The following STAB2 variants were observed in gnomAD, a reference collection of about 807,000 sequenced individuals.
STAB2 encodes the protein stabilin-2.
STAB2 carries 288 observed loss-of-function variants against 338.1 expected under a neutral mutation model. The observed-to-expected ratio is 0.85, with a 90% confidence interval of 0.77 to 0.94. The LOEUF (loss-of-function observed/expected upper bound fraction) is 0.94, where lower values mean the gene tolerates loss of function less well. Ranked by LOEUF, STAB2 falls within the 40% of genes least tolerant of loss-of-function variation. The pLI, the probability that STAB2 is intolerant of heterozygous loss-of-function variation, is 0.00. For synonymous variants in STAB2, 1,202 were observed against 1,193.3 expected (o/e 1.01, Z -0.15); for missense variants, 3,141 against 3,210.1 (o/e 0.98, Z 0.52).
At chr12:103,660,437 C>G in intron 16 of STAB2, 53 bp downstream of exon 16, 1 of 1,591,296 alleles carries the variant, frequency 6.3e-7, no homozygotes, top group South Asian at 1.1e-5. Flanking sequence ...AGATAGCTAA[C>G]TTAGTCTTGA....
intron 61 of STAB2, among the ~76,000 whole-genome samples, chr12:103,753,846 A>G (rs894195211): frequency 1.3e-5 from 2 of 152,186 alleles, no homozygotes; most frequent in Admixed American, 1.3e-4. Context: ...CGAACCCACA[A>G]AACAGTGGAG....
Position 103,638,009 on chromosome 12 carries a change from T to C in STAB2, c.710-7T>C. On this transcript the variant is annotated splice_polypyrimidine_tract_variant and splice_region_variant and intron_variant, in intron 7 of 68. Coordinates refer to ENST00000388887, the MANE Select transcript of STAB2 (RefSeq NM_017564.10). ...AACTGCCTCTCATTTTGCTGTTGCC[T>C]CTCAAGCCATCAATCCATGTTTACG... 6.2e-7 allele frequency: 1 copy of C among 1,606,960 alleles called. No homozygotes were observed. Among genetic ancestry groups the C allele is most frequent in the East Asian group, 2.2e-5 (1 of 44,706 alleles).
At position 103,591,121 on chromosome 12, in the gene STAB2, CTT is replaced by C. The variant is rs775958784; in HGVS notation, c.215+92_215+93del. 229 of 1,569,382 alleles carry C rather than the reference CTT, an allele frequency of 1.5e-4. No individual in the cohort carries two copies. The Middle Eastern group carries it at 3.0e-3, about 21-fold the overall frequency. ...TGCAAAGCATTTCCATGACTTTTCT[CTT>C]GCTCTAAGACAATAAGCCCAAACTT... On this transcript the variant is annotated intron_variant, in intron 2 of 68. Transcript: ENST00000388887.
rs1485438356 is a variant in STAB2, at chr12:103,744,357, C to T, written c.6032-816C>T. On this transcript the variant is annotated intron_variant, in intron 56 of 68. Transcript: ENST00000388887. Reference sequence around the variant, plus strand: ...TGTAGAGATTGAGTCTCCCTATGTTCCCCAGACTGGTCTCAAACTCCTGGC... The same window carrying T: ...TGTAGAGATTGAGTCTCCCTATGTTTCCCAGACTGGTCTCAAACTCCTGGC... 3.3e-5 allele frequency among the ~76,000 whole-genome samples: 5 copies of T among 151,746 alleles called. No individual in the cohort carries two copies. In the East Asian group the frequency reaches 7.7e-4, roughly 23 times the overall value.
chr12:103,642,488 G>A (rs1872999447), intron 9 of STAB2, among the ~76,000 whole-genome samples: 1 of 152,190 alleles, frequency 6.6e-6, no homozygotes, highest in African/African-American at 2.4e-5. Flanking sequence ...TACAGGTTGG[G>A]ATATCCTCAG....
intron 28 of STAB2, among the ~76,000 whole-genome samples, chr12:103,688,969 ACGC>A (rs1235196695): frequency 6.6e-6 from 1 of 151,646 alleles, no homozygotes; most frequent in African/African-American, 2.4e-5. Flanking sequence ...GGGAGTATTT[ACGC>A]CATAGAAATC....
intron 9 of STAB2, among the ~76,000 whole-genome samples, chr12:103,644,185 TA>T (rs1424180193): frequency 7.4e-6 from 1 of 135,680 alleles, no homozygotes; most frequent in Non-Finnish European, 1.6e-5. Flanking sequence ...TGTTCTGTAC[TA>T]AGAAAAATTC....
intron 56 of STAB2, among the ~76,000 whole-genome samples, chr12:103,743,367 G>A (rs1882745618): frequency 6.6e-6 from 1 of 151,846 alleles, no homozygotes; most frequent in South Asian, 2.1e-4. Flanking sequence ...GGACTGACAG[G>A]GACAAAATTC....
chr12:103,692,970 A>T (rs77493056), intron 31 of STAB2, 81 bp downstream of exon 31: 141 of 975,134 alleles, frequency 1.4e-4, no homozygotes, highest in Middle Eastern at 2.2e-4. Flanking sequence ...TTTTTTTTTT[A>T]AATAGAAAAA....
intron 44 of STAB2, among the ~76,000 whole-genome samples, chr12:103,720,516 A>G (rs1457527090): frequency 6.6e-6 from 1 of 152,234 alleles, no homozygotes; most frequent in Non-Finnish European, 1.5e-5. Flanking sequence ...ATGAAAATTT[A>G]TGAATTTGTA....
chr12:103,731,889 G>T lies in STAB2; in HGVS notation c.5283+254G>T, dbSNP rs1301975553. ...GGATTTGAGGCTGGGGAGAGGGAAA[G>T]AAATTGGAATGTGGCAGTAGTGTAC... On this transcript the variant is annotated intron_variant, in intron 50 of 68. Transcript: ENST00000388887. Among the ~76,000 whole-genome samples, 3 of 152,164 alleles carry T rather than the reference G, an allele frequency of 2.0e-5. No individual in the cohort carries two copies. In the East Asian group the frequency reaches 5.8e-4, roughly 29 times the overall value.
intron 27 of STAB2, 89 bp downstream of exon 27, chr12:103,685,173 A>G (rs1038631780): frequency 3.3e-5 from 40 of 1,215,962 alleles, no homozygotes; most frequent in South Asian, 6.8e-5. Context: ...CTATTGACAT[A>G]TCTTTTGCTG....
intron 65 of STAB2, among the ~76,000 whole-genome samples, chr12:103,759,884 T>C (rs935158695): frequency 6.6e-6 from 1 of 152,212 alleles, no homozygotes; most frequent in Non-Finnish European, 1.5e-5. Flanking sequence ...ATATGGAGAA[T>C]AGAGACCCAA....
chr12:103,712,223 ACT>A lies in STAB2; in HGVS notation c.4335-141_4335-140del, dbSNP rs558921153. Reference sequence around the variant, plus strand: ...TGTGGTGGGGTTATGCCAGAATTAGACTCTTCTCCCAAGCCTTAGGCAGGACT... The same window carrying A: ...TGTGGTGGGGTTATGCCAGAATTAGACTTCTCCCAAGCCTTAGGCAGGACT... On this transcript the variant is annotated intron_variant, in intron 40 of 68. Coordinates refer to ENST00000388887, the MANE Select transcript of STAB2 (RefSeq NM_017564.10). 1.3e-4 allele frequency: 93 copies of A among 719,886 alleles called. No individual in the cohort carries two copies. In the African/African-American group the frequency reaches 1.5e-3, roughly 11 times the overall value. The allele number at this position is 719,886 out of a possible 1,614,324, so 44.6% of individuals were successfully genotyped here. A position where few individuals can be genotyped will look rare whatever the true frequency, so the allele number is the denominator to read the frequency against.
At position 103,766,118 on chromosome 12, in the gene STAB2, C is replaced by T. The variant is rs891311402; in HGVS notation, c.7606-168C>T. On this transcript the variant is annotated intron_variant, in intron 68 of 68. Coordinates refer to ENST00000388887, the MANE Select transcript of STAB2 (RefSeq NM_017564.10). ...CTAAAACAGGTGGCCCTACCCCCAG[C>T]CCATCCTGCCTCCCAACACAAGGCA... 1.7e-5 allele frequency: 15 copies of T among 903,236 alleles called. No individual in the cohort carries two copies. The Middle Eastern group carries it at 1.1e-3, about 64-fold the overall frequency. 56.0% of individuals were successfully genotyped at this position (903,236 alleles called of 1,614,324 possible).
chr12:103,615,140 G>C (rs7964365), intron 3 of STAB2, among the ~76,000 whole-genome samples: 5,594 of 152,324 alleles, frequency 0.037, 332 homozygotes, highest in African/African-American at 0.13. Context: ...CAAGAGCAGT[G>C]AGGGTAGGGA....
At chr12:103,739,652 C>T (rs1882429639) in intron 54 of STAB2, among the ~76,000 whole-genome samples, 184 bp downstream of exon 54, 1 of 151,956 alleles carries the variant, frequency 6.6e-6, no homozygotes, top group African/African-American at 2.4e-5. Context: ...TAGATATTCT[C>T]AGCCCAGGCA....
intron 43 of STAB2, among the ~76,000 whole-genome samples, chr12:103,716,417 G>A (rs1566042413): frequency 1.3e-5 from 2 of 152,182 alleles, no homozygotes; most frequent in Non-Finnish European, 1.5e-5. Context: ...CAGGGAAGCT[G>A]GAGGCCTGGA....
Position 103,669,589 on chromosome 12 carries a change from C to T in STAB2, c.2221C>T (p.Pro741Ser), listed in dbSNP as rs1875535928. 1 of 1,614,068 alleles carries T rather than the reference C, an allele frequency of 6.2e-7. No individual in the cohort carries two copies. Among genetic ancestry groups the T allele is most frequent in the Non-Finnish European group, 8.5e-7 (1 of 1,180,038 alleles). The change falls in exon 21 of 69, where the codon CCA (proline) becomes TCA (serine). Residue 741 changes from proline to serine, a missense_variant. Physicochemically the swap from Pro to Ser is moderately conservative, Grantham distance 74 (BLOSUM62 -1). Transcript: ENST00000388887. Reference sequence around the variant, plus strand: ...CTATGGACCTGACTGCAACCAGTGTCCAGGAGGCTTCTCAAATCCATGCTC... The same window carrying T: ...CTATGGACCTGACTGCAACCAGTGTTCAGGAGGCTTCTCAAATCCATGCTC... ...GFYGPDCNQCPGGFSNPCSGN... is the reference protein window; with the variant it reads ...GFYGPDCNQCSGGFSNPCSGN...
Sources: allele counts gnomAD v4.1 joint callset (sites outside exome capture counted in the v4.1 genomes callset), GRCh38; gene constraint gnomAD v4.1.1; transcripts MANE v1.5; gene names NCBI Gene and HGNC (gene_info 2026-07-23, HGNC 2026-07-21).